Variants in ZFHX3 observed in about 807,000 individuals in gnomAD.
ZFHX3 encodes zinc finger homeobox 3, also known as zinc finger homeobox protein 3.
In ZFHX3, 42 loss-of-function variants were observed where a neutral mutation model predicts 279.1. The observed-to-expected ratio is 0.15, with a 90% CI of 0.12 to 0.19. The LOEUF (loss-of-function observed/expected upper bound fraction) is 0.19, where lower values mean the gene tolerates loss of function less well. ZFHX3 is among the 10% of genes least tolerant of loss of function. The pLI, the probability that ZFHX3 is intolerant of heterozygous loss-of-function variation, is 1.00. For synonymous variants in ZFHX3, 2,293 were observed against 1,957.8 expected, an observed-to-expected ratio of 1.17 and a Z score of -4.52; for missense variants, 4,981 against 4,754.0, an observed-to-expected ratio of 1.05 and a Z score of -1.40.
In ZFHX3 at chr16:72,796,844, C is replaced by G. The variant is rs1332394161; in HGVS notation, c.5838G>C (p.Lys1946Asn). ...IASDARGNATKALLENFGFEL... is the reference protein window; with the variant it reads ...IASDARGNATNALLENFGFEL... ...CAAAGCCAAAGTTCTCCAGCAGGGC[C>G]TTGGTGGCGTTCCCTCTGGCATCTG... The change falls in exon 9 of 10, where the codon AAG (lysine) becomes AAC (asparagine). Residue 1946 changes from lysine (K) to asparagine (N), a missense_variant. Physicochemically the swap from Lys to Asn is moderately conservative, Grantham distance 94. Around this residue, in one of 7 missense-constraint regions of ZFHX3, gnomAD observed 1,751 missense variants for 1,770.0 expected, o/e 0.99. Coordinates refer to ENST00000268489, the MANE Select transcript of ZFHX3 (RefSeq NM_006885.4). 1.2e-6 allele frequency: 2 copies of G among 1,613,460 alleles called. No homozygotes were observed. Among genetic ancestry groups the G allele is most frequent in the Admixed American group, 3.3e-5 (2 of 59,974 alleles).
chr16:73,055,232 T>A (rs1052858062), intron 1 of ZFHX3, among the ~76,000 whole-genome samples: 8 of 152,134 alleles, frequency 5.3e-5, no homozygotes, highest in African/African-American at 1.9e-4. Flanking sequence ...CCAACCTTAT[T>A]TGCCTGAACT....
At chr16:73,315,326 G>T (rs187184608) in intron 4 of ZFHX3, among the ~76,000 whole-genome samples, 1 of 152,078 alleles carries the variant, frequency 6.6e-6, no homozygotes, top group Non-Finnish European at 1.5e-5. Flanking sequence ...AAGTACTCAC[G>T]TTGTTGCCTT....
At chr16:73,014,549 GAC>G (rs1255609617) in intron 1 of ZFHX3, 4 of 67,054 alleles carry the variant, frequency 6.0e-5, no homozygotes, top group African/African-American at 5.6e-5. Context: ...TTTTTTTTGA[GAC>G]ACAGTCTCGC....
At chr16:73,559,792 G>A (rs1045257821) in intron 2 of ZFHX3, among the ~76,000 whole-genome samples, 1 of 152,128 alleles carries the variant, frequency 6.6e-6, no homozygotes, top group Non-Finnish European at 1.5e-5. Flanking sequence ...GGTAAGGGAG[G>A]TAGGGACAGT....
chr16:73,300,842 T>C (rs13333948), intron 4 of ZFHX3, among the ~76,000 whole-genome samples: 4,146 of 152,310 alleles, frequency 0.027, 204 homozygotes, highest in African/African-American at 0.094. Flanking sequence ...GTCCAGGCTT[T>C]ACCTGTTCCG....
chr16:73,880,203 A>G (rs1017103796), intron 1 of ZFHX3, among the ~76,000 whole-genome samples: 1 of 152,060 alleles, frequency 6.6e-6, no homozygotes, highest in African/African-American at 2.4e-5. Flanking sequence ...GATTTGCCCC[A>G]AAAAGCAAGG....
intron 2 of ZFHX3, among the ~76,000 whole-genome samples, chr16:73,562,306 C>G (rs890883226): frequency 5.3e-5 from 8 of 152,118 alleles, no homozygotes; most frequent in Non-Finnish European, 1.2e-4. Context: ...TAAGAAGTGG[C>G]TATGAGAGGC....
chr16:73,001,552 C>T (rs1310341377), intron 1 of ZFHX3, among the ~76,000 whole-genome samples: 1 of 152,106 alleles, frequency 6.6e-6, no homozygotes, highest in African/African-American at 2.4e-5. Context: ...CTGACTCATG[C>T]CTGTGGTCCC....
chr16:73,091,164 T>C (rs1006075824), intron 8 of ZFHX3, among the ~76,000 whole-genome samples: 12 of 144,652 alleles, frequency 8.3e-5, no homozygotes, highest in Admixed American at 7.8e-4. Context: ...TGAGTGGAGA[T>C]CACGCCACTG....
Position 73,748,873 on chromosome 16 carries a change from C to T in ZFHX3, c.-1607-68633G>A, listed in dbSNP as rs143375643. Among the ~76,000 whole-genome samples the T allele has an allele frequency of 6.5e-3, 990 of 152,174 alleles. 13 individuals carry two copies. The highest frequency in any genetic ancestry group is 0.022 in the African/African-American group (918 of 41,516). On this transcript the variant is annotated intron_variant, in intron 1 of 17. Coordinates refer to the ZFHX3 transcript ENST00000641206. ...CGCAGTCTTCGCTCACTGCAACCTC[C>T]GCCTCCTGGGTTCAAGTGATTCTCC...
intron 2 of ZFHX3, among the ~76,000 whole-genome samples, chr16:73,510,063 G>A (rs199806918): frequency 3.3e-5 from 5 of 152,012 alleles, no homozygotes; most frequent in South Asian, 2.1e-4. Flanking sequence ...CCTTTCCATC[G>A]AATGCTGTTT....
intron 1 of ZFHX3, among the ~76,000 whole-genome samples, chr16:72,971,122 C>G (rs946820038): frequency 6.6e-6 from 1 of 152,110 alleles, no homozygotes; most frequent in Non-Finnish European, 1.5e-5. Context: ...CCCTTTTAAC[C>G]TAATTTAGTA....
chr16:73,762,356 G>A (rs907232885), intron 1 of ZFHX3, among the ~76,000 whole-genome samples: 8 of 152,146 alleles, frequency 5.3e-5, no homozygotes, highest in Non-Finnish European at 1.2e-4. Context: ...AGGCTGTGGA[G>A]GAATGCTTTT....
intron 4 of ZFHX3, among the ~76,000 whole-genome samples, chr16:72,873,580 T>C (rs937391498): frequency 6.6e-6 from 1 of 152,220 alleles, no homozygotes; most frequent in African/African-American, 2.4e-5. Flanking sequence ...CCATCAAGTA[T>C]AGTTCATATA....
At chr16:72,926,158 T>TA (rs1959437214) in intron 3 of ZFHX3, among the ~76,000 whole-genome samples, 1 of 152,242 alleles carries the variant, frequency 6.6e-6, no homozygotes, top group South Asian at 2.1e-4. Flanking sequence ...ATAATGTTGT[T>TA]ATGGGTCATG....
chr16:73,250,336 A>T (rs1352815346), intron 5 of ZFHX3, among the ~76,000 whole-genome samples: 1 of 152,174 alleles, frequency 6.6e-6, no homozygotes, highest in Non-Finnish European at 1.5e-5. Context: ...CTGAAACAAG[A>T]TGTTATCAAT....
At chr16:73,693,612 G>A (rs1321216491) in intron 1 of ZFHX3, among the ~76,000 whole-genome samples, 4 of 152,146 alleles carry the variant, frequency 2.6e-5, no homozygotes, top group Non-Finnish European at 5.9e-5. Flanking sequence ...CCACGGGAAC[G>A]AGAGAAAAGA....
At chr16:73,406,068 G>C (rs1650849384) in intron 3 of ZFHX3, among the ~76,000 whole-genome samples, 1 of 152,256 alleles carries the variant, frequency 6.6e-6, no homozygotes, top group African/African-American at 2.4e-5. Context: ...GTCTCTAGGA[G>C]GAGGGAGCAG....
chr16:73,638,928 T>C (rs2052550687), intron 2 of ZFHX3, among the ~76,000 whole-genome samples: 1 of 152,172 alleles, frequency 6.6e-6, no homozygotes, highest in Non-Finnish European at 1.5e-5. Context: ...TGATGAGAGA[T>C]ACTGAGGCTT....
Sources: allele counts gnomAD v4.1 joint callset (sites outside exome capture counted in the v4.1 genomes callset), GRCh38; gene constraint gnomAD v4.1.1; regional missense constraint gnomAD v4.1.1; transcripts MANE v1.5; gene names NCBI Gene and HGNC (gene_info 2026-07-23, HGNC 2026-07-21).